TP53BP1: variants seen among roughly 807,000 people sequenced by gnomAD.
The protein encoded by TP53BP1 is TP53-binding protein 1.
A neutral mutation model predicts 200.8 loss-of-function variants in TP53BP1; 61 were observed. The ratio of observed to expected loss-of-function variants is 0.30; its 90% CI spans 0.25 to 0.38. The LOEUF is 0.38. TP53BP1 is among the 10% of genes least tolerant of loss of function. The pLI is 1.00. For missense variants in TP53BP1, 2,144 were observed against 2,371.9 expected (o/e 0.90, Z 2.00); for synonymous variants, 822 against 844.3 (o/e 0.97, Z 0.46).
intron 25 of TP53BP1, chr15:43,409,328 C>T (rs550921096): frequency 1.7e-6 from 1 of 585,892 alleles, no homozygotes; most frequent in Non-Finnish European, 3.0e-6. Flanking sequence ...CCTCAACGGA[C>T]AACCAAAACC....
At position 43,444,657 on chromosome 15, in the gene TP53BP1, C is replaced by T. The variant is rs964194941; in HGVS notation, c.3040+1730G>A. On this transcript the variant is annotated intron_variant, in intron 14 of 27. Transcript: ENST00000382044. Reference sequence around the variant, plus strand: ...AGGATAATAATAGGATCTAGTTCATCGGCTTCTTATGAGATTTAATGAGCT... The same window carrying T: ...AGGATAATAATAGGATCTAGTTCATTGGCTTCTTATGAGATTTAATGAGCT... Among the ~76,000 whole-genome samples, 33 of 152,282 alleles carry T rather than the reference C, an allele frequency of 2.2e-4. 1 individual carries two copies. The highest frequency in any genetic ancestry group is 8.8e-5 in the Non-Finnish European group (6 of 68,020).
rs1327359362 is a variant in TP53BP1 at position 43,415,716 on chromosome 15, C to T, written c.4967G>A (p.Arg1656Gln). 3.1e-6 allele frequency: 5 copies of T among 1,614,018 alleles called. No homozygotes were observed. Among genetic ancestry groups the T allele is most frequent in the African/African-American group, 1.3e-5 (1 of 74,924 alleles). The change falls in exon 23 of 28, where the codon CGA (arginine) becomes CAA (glutamine). Residue 1656 changes from arginine (R) to glutamine (Q), a missense_variant. Physicochemically the swap from Arg to Gln is conservative, Grantham distance 43 (BLOSUM62 1). Transcript: ENST00000382044. Reference sequence around the variant, plus strand: ...GGCACGAGGACTTTCTGTGATCTTTCGGGTAGGGGTTGTGCTGCTGCTACT... The same window carrying T: ...GGCACGAGGACTTTCTGTGATCTTTTGGGTAGGGGTTGTGCTGCTGCTACT... ...ASSSSSTTPT[R>Q]KITESPRASM...
At chr15:43,408,265 C>T in intron 26 of TP53BP1, 177 bp from the exon 27 acceptor site, 1 of 626,614 alleles carries the variant, frequency 1.6e-6, no homozygotes, top group South Asian at 2.1e-5. Flanking sequence ...ATCTCTTGGG[C>T]CTGGGAGTTC....
intron 23 of TP53BP1, among the ~76,000 whole-genome samples, chr15:43,415,051 AAG>A (rs879683137): frequency 7.2e-5 from 11 of 152,194 alleles, no homozygotes; most frequent in Admixed American, 7.2e-4. Context: ...GCCTAAGCAC[AAG>A]AGAGAGGGGA....
chr15:43,414,352 C>T (rs2045209206), intron 23 of TP53BP1, among the ~76,000 whole-genome samples: 1 of 152,180 alleles, frequency 6.6e-6, no homozygotes, highest in South Asian at 2.1e-4. Flanking sequence ...GAGTGCTATG[C>T]CTCATACAGT....
In TP53BP1 at chr15:43,456,061, T is replaced by TA. The variant is rs1331467079; in HGVS notation, c.2546dup (p.Leu849PhefsTer4). ...GCTGCTGCAACTCCTGGTCAAGTCT[T>TA]AAAGGATCATCTGCTCTCACTAAAG... On this transcript the variant is annotated frameshift_variant, in exon 12 of 28. Coordinates refer to ENST00000382044, the MANE Select transcript of TP53BP1 (RefSeq NM_001141980.3). LOFTEE classifies it high-confidence loss of function. 6.2e-7 allele frequency: 1 copy of TA among 1,614,238 alleles called. No homozygotes were observed. The highest frequency in any genetic ancestry group is 8.5e-7 in the Non-Finnish European group (1 of 1,180,042).
At chr15:43,425,103 C>T (rs2045496747) in intron 18 of TP53BP1, among the ~76,000 whole-genome samples, 2 of 152,176 alleles carry the variant, frequency 1.3e-5, no homozygotes, top group South Asian at 2.1e-4. Context: ...CAAGAAGGCC[C>T]TCACCAGATG....
Position 43,422,137 on chromosome 15 carries a change from A to G in TP53BP1, c.3829-11T>C. 3 of 1,611,598 alleles carry G rather than the reference A, an allele frequency of 1.9e-6. No individual in the cohort carries two copies. Among genetic ancestry groups the G allele is most frequent in the Non-Finnish European group, 2.5e-6 (3 of 1,179,058 alleles). On this transcript the variant is annotated splice_polypyrimidine_tract_variant and intron_variant, in intron 18 of 27. Coordinates refer to ENST00000382044, the MANE Select transcript of TP53BP1 (RefSeq NM_001141980.3). ...TGGCTCTTCAGTCTCCTGCAAGGAA[A>G]AAATAGATACAGAAGATAAAAGATG... is the stretch of plus-strand genomic sequence containing the variant.
rs770897067 is a variant in TP53BP1 at position 43,415,824 on chromosome 15, G to A, written c.4874-15C>T. ...CACCAAATTGTCTATGGCAGGATAA[G>A]CCAAACAGGTTGGTCAAACTCTATG... On this transcript the variant is annotated splice_polypyrimidine_tract_variant and intron_variant, in intron 22 of 27. Coordinates refer to ENST00000382044, the MANE Select transcript of TP53BP1 (RefSeq NM_001141980.3). 1 of 1,611,326 alleles carries A rather than the reference G, an allele frequency of 6.2e-7. No individual in the cohort carries two copies. Among genetic ancestry groups the A allele is most frequent in the African/African-American group, 1.3e-5 (1 of 74,872 alleles).
chr15:43,417,344 A>G (rs1362654184), intron 21 of TP53BP1: 1 of 152,246 alleles, frequency 6.6e-6, no homozygotes, highest in Non-Finnish European at 1.5e-5. Flanking sequence ...CCACCCAAGG[A>G]AAATAACACA....
intron 10 of TP53BP1, among the ~76,000 whole-genome samples, chr15:43,472,729 T>C (rs981688811): frequency 4.6e-5 from 7 of 152,238 alleles, no homozygotes; most frequent in African/African-American, 1.4e-4. Context: ...TTCTTCCCCA[T>C]ACTAATTCAT....
intron 24 of TP53BP1, among the ~76,000 whole-genome samples, chr15:43,411,123 G>C (rs983455713): frequency 6.6e-6 from 1 of 152,094 alleles, no homozygotes; most frequent in Non-Finnish European, 1.5e-5. Context: ...ATCCAGGACT[G>C]GTCTACTTAG....
intron 1 of TP53BP1, among the ~76,000 whole-genome samples, chr15:43,504,274 A>G (rs2079225046): frequency 6.6e-6 from 1 of 152,202 alleles, no homozygotes; most frequent in African/African-American, 2.4e-5. Flanking sequence ...TAGCCTCCCA[A>G]AGTGCTGGGA....
In TP53BP1 at chr15:43,405,758, G is replaced by A. The variant is rs2044848640; in HGVS notation, c.*1625C>T. The A allele has an allele frequency of 6.5e-6, 1 of 152,708 alleles. No homozygotes were observed. Among genetic ancestry groups the A allele is most frequent in the Non-Finnish European group, 1.5e-5 (1 of 68,568 alleles). The allele number at this position is 152,708 out of a possible 1,614,324, so 9.5% of individuals were successfully genotyped here. On this transcript the variant is annotated 3_prime_UTR_variant, in exon 28 of 28. Transcript: ENST00000382044. ...AAAATATACTTAAAAGTATTTCTTA[G>A]GCCGGGCATGGTGGCTCACACCTGT...
intron 1 of TP53BP1, among the ~76,000 whole-genome samples, chr15:43,507,553 T>C (rs2079244139): frequency 6.6e-6 from 1 of 152,270 alleles, no homozygotes; most frequent in Non-Finnish European, 1.5e-5. Flanking sequence ...GCTTCTGCCA[T>C]AGCACACTTC....
chr15:43,442,030 A>C (rs2045935113), intron 14 of TP53BP1, among the ~76,000 whole-genome samples: 1 of 151,206 alleles, frequency 6.6e-6, no homozygotes, highest in Non-Finnish European at 1.5e-5. Flanking sequence ...TTGTTTTGAG[A>C]CAACAGTCTC....
At chr15:43,441,624 C>G (rs753682805) in intron 14 of TP53BP1, 41 bp from the exon 15 acceptor site, 2 of 1,446,832 alleles carry the variant, frequency 1.4e-6, no homozygotes, top group South Asian at 1.1e-5. Flanking sequence ...GAAAGAGAAA[C>G]AGAATTTAGT....
intron 1 of TP53BP1, among the ~76,000 whole-genome samples, chr15:43,503,030 T>C (rs1458111655): frequency 7.6e-6 from 1 of 131,204 alleles, no homozygotes; most frequent in South Asian, 2.2e-4. Context: ...TGGGATTACA[T>C]GCGTGAGCCA....
At chr15:43,469,533 G>A (rs1431225313) in intron 11 of TP53BP1, among the ~76,000 whole-genome samples, 2 of 152,060 alleles carry the variant, frequency 1.3e-5, no homozygotes, top group African/African-American at 4.8e-5. Context: ...AAAACCATAA[G>A]CATGTAGAAA....
Sources: gnomAD v4.1 joint callset for allele counts (sites outside exome capture counted in the v4.1 genomes callset) on GRCh38, gnomAD v4.1.1 for gene constraint, MANE v1.5 for transcripts, NCBI Gene and HGNC (gene_info 2026-07-23, HGNC 2026-07-21) for gene names.